DCAF5: variants seen among roughly 807,000 people sequenced by gnomAD.
DCAF5 encodes DDB1- and CUL4-associated factor 5.
A neutral mutation model predicts 80.7 loss-of-function variants in DCAF5; 9 were observed. The ratio of observed to expected loss-of-function variants is 0.11; its 90% CI spans 0.07 to 0.19. The LOEUF (loss-of-function observed/expected upper bound fraction) is 0.19, where lower values mean the gene tolerates loss of function less well. Among genes scored for constraint, DCAF5 ranks in the 10% least tolerant of loss-of-function variants. The pLI is 1.00. For synonymous variants in DCAF5, 433 were observed against 461.9 expected, an observed-to-expected ratio of 0.94 and a Z score of 0.80; for missense variants, 842 against 1,205.7, an observed-to-expected ratio of 0.70 and a Z score of 4.47.
At chr14:69,066,544 A>T (rs1369299360) in intron 7 of DCAF5, among the ~76,000 whole-genome samples, 1 of 152,188 alleles carries the variant, frequency 6.6e-6, no homozygotes, top group African/African-American at 2.4e-5. Context: ...GACTATAACC[A>T]TATCTATTGC....
chr14:69,067,424 A>AC (rs1218657983), intron 7 of DCAF5, among the ~76,000 whole-genome samples: 2 of 147,512 alleles, frequency 1.4e-5, no homozygotes, highest in African/African-American at 2.5e-5. Flanking sequence ...GCTCACTGCA[A>AC]CCCCCCGCTC....
intron 1 of DCAF5, chr14:69,149,620 C>T (rs2140132572): frequency 6.6e-6 from 1 of 152,286 alleles, no homozygotes; most frequent in South Asian, 2.1e-4. Flanking sequence ...TAGTATGTGT[C>T]AGTTACCAGA....
chr14:69,058,969 C>T (rs1056503163), intron 8 of DCAF5, among the ~76,000 whole-genome samples: 16 of 151,886 alleles, frequency 1.1e-4, no homozygotes, highest in Non-Finnish European at 2.1e-4. Context: ...CCTCTCCATG[C>T]ACAGTGAAGT....
intron 8 of DCAF5, among the ~76,000 whole-genome samples, chr14:69,059,733 T>C (rs2038132196): frequency 2.6e-5 from 4 of 152,276 alleles, no homozygotes; most frequent in Admixed American, 6.5e-5. Context: ...ATGACACCTG[T>C]GAGACAGCAA....
intron 8 of DCAF5, among the ~76,000 whole-genome samples, chr14:69,060,613 C>G (rs1243349918): frequency 6.6e-6 from 1 of 151,980 alleles, no homozygotes; most frequent in African/African-American, 2.4e-5. Context: ...CTCACTACAA[C>G]CTCCGCGTCC....
chr14:69,079,663 A>C (rs1243232638), intron 6 of DCAF5, among the ~76,000 whole-genome samples: 2 of 152,212 alleles, frequency 1.3e-5, no homozygotes, highest in African/African-American at 4.8e-5. Context: ...TTCATTAAAC[A>C]AATATTTATT....
chr14:69,120,134 AGTGCAGTG>A (rs1379155173), intron 2 of DCAF5, among the ~76,000 whole-genome samples: 1 of 151,922 alleles, frequency 6.6e-6, no homozygotes, highest in Non-Finnish European at 1.5e-5. Flanking sequence ...TCCAGGCTGG[AGTGCAGTG>A]GTGCAATCAT....
intron 5 of DCAF5, among the ~76,000 whole-genome samples, chr14:69,100,676 G>A (rs938602542): frequency 4.6e-5 from 7 of 152,090 alleles, no homozygotes; most frequent in African/African-American, 1.7e-4. Flanking sequence ...TAAACAAATG[G>A]GAAAGTTAAG....
Position 69,122,393 on chromosome 14 carries a change from C to T in DCAF5, c.215-33G>A, listed in dbSNP as rs777199769. The T allele has an allele frequency of 4.4e-6, 7 of 1,587,472 alleles. No homozygotes were observed. In the South Asian group the frequency reaches 7.8e-5, roughly 18 times the overall value. On this transcript the variant is annotated intron_variant, in intron 1 of 8. Transcript: ENST00000341516. Reference sequence around the variant, plus strand: ...AGGAAATAAGAATCTGTGCTTAAAACAGCTGACATCGCAAGGCTGACAGAT... The same window carrying T: ...AGGAAATAAGAATCTGTGCTTAAAATAGCTGACATCGCAAGGCTGACAGAT...
chr14:69,066,067 T>A (rs1340360420), intron 7 of DCAF5, among the ~76,000 whole-genome samples: 1 of 151,966 alleles, frequency 6.6e-6, no homozygotes, highest in East Asian at 1.9e-4. Flanking sequence ...GTTTATAAAA[T>A]TCTGTATAAA....
At chr14:69,114,860 G>A (rs2040493140) in intron 5 of DCAF5, among the ~76,000 whole-genome samples, 1 of 152,128 alleles carries the variant, frequency 6.6e-6, no homozygotes, top group Non-Finnish European at 1.5e-5. Flanking sequence ...GGAAGAGAAT[G>A]GGAGAGAATT....
chr14:69,144,233 A>AT (rs1241644623), intron 1 of DCAF5, among the ~76,000 whole-genome samples: 1 of 151,964 alleles, frequency 6.6e-6, no homozygotes, highest in Non-Finnish European at 1.5e-5. Context: ...ACGTTACAAG[A>AT]TAAAAAAAAA....
intron 1 of DCAF5, among the ~76,000 whole-genome samples, chr14:69,139,982 C>CA (rs1349311548): frequency 6.6e-6 from 1 of 151,740 alleles, no homozygotes; most frequent in African/African-American, 2.4e-5. Context: ...AAAGAGAAGA[C>CA]AGAGAGGCCA....
At chr14:69,132,110 C>A (rs951676508) in intron 1 of DCAF5, among the ~76,000 whole-genome samples, 1 of 152,142 alleles carries the variant, frequency 6.6e-6, no homozygotes, top group African/African-American at 2.4e-5. Flanking sequence ...CATTAGTGTA[C>A]AAATATCTGT....
chr14:69,054,515 G>A lies in DCAF5; in HGVS notation c.2171C>T (p.Pro724Leu), dbSNP rs200156447. Reference protein sequence around the residue: ...IAMAQRNQDLPPEGCSKDTFK... With the variant: ...IAMAQRNQDLLPEGCSKDTFK... ...AGTGTCCTTGCTGCAGCCTTCAGGT[G>A]GCAGGTCCTGGTTCCTCTGGGCCAT... Residue 724 changes from proline to leucine, a missense_variant, in exon 9 of 9, where the codon CCA becomes CTA. Coordinates refer to ENST00000341516, the MANE Select transcript of DCAF5 (RefSeq NM_003861.3). The A allele has an allele frequency of 5.0e-5, 80 of 1,614,202 alleles. No homozygotes were observed. In the African/African-American group the frequency reaches 9.5e-4, roughly 19 times the overall value.
In DCAF5 at chr14:69,152,699, G is replaced by A. The variant is rs2041745989; in HGVS notation, c.214+66C>T. The A allele has an allele frequency of 4.8e-6, 6 of 1,251,066 alleles. No homozygotes were observed. Among genetic ancestry groups the A allele is most frequent in the Non-Finnish European group, 5.6e-6 (5 of 893,090 alleles). The allele number at this position is 1,251,066 out of a possible 1,614,324, so 77.5% of individuals were successfully genotyped here. ...CAGAGGGCAGGAGGAGGGTGACGGG[G>A]GAGAGCGAGAGGGGGAGGCTGGGAG... On this transcript the variant is annotated intron_variant, in intron 1 of 8. Transcript: ENST00000341516. This position sits in a 1 kb window ranked among gnomAD's most constrained non-coding sequence, Gnocchi z 4.1.
In DCAF5 at chr14:69,054,672, T is replaced by C; in HGVS notation, c.2014A>G (p.Ile672Val). ...CCATCTTTGTTATTTGAGTAGGAGA[T>C]ATAAGAGTAGCGGAGCCACTTGTAA... Reference protein sequence around the residue: ...KAYKWLRYSYISYSNNKDGET... With the variant: ...KAYKWLRYSYVSYSNNKDGET... Residue 672 changes from isoleucine to valine, a missense_variant, in exon 9 of 9, where the codon ATC (isoleucine) becomes GTC (valine). Transcript: ENST00000341516. The C allele has an allele frequency of 1.2e-6, 2 of 1,614,204 alleles. No individual in the cohort carries two copies. Among genetic ancestry groups the C allele is most frequent in the East Asian group, 2.2e-5 (1 of 44,874 alleles).
chr14:69,077,097 T>C (rs1342642564), intron 6 of DCAF5, among the ~76,000 whole-genome samples: 3 of 152,254 alleles, frequency 2.0e-5, no homozygotes, highest in African/African-American at 7.2e-5. Flanking sequence ...AGTTCATTTA[T>C]TTCCAGTGAT....
intron 6 of DCAF5, among the ~76,000 whole-genome samples, chr14:69,080,547 GTCTTT>G (rs1353205231): frequency 1.2e-4 from 19 of 152,218 alleles, no homozygotes; most frequent in African/African-American, 2.6e-4. Context: ...TTTTCTCTCT[GTCTTT>G]TCTTTTATCT....
Sources: gnomAD v4.1 joint callset for allele counts (sites outside exome capture counted in the v4.1 genomes callset) on GRCh38, gnomAD v4.1.1 for gene constraint, Gnocchi (gnomAD v3.1) non-coding constraint, MANE v1.5 for transcripts, NCBI Gene and HGNC (gene_info 2026-07-23, HGNC 2026-07-21) for gene names.